The following SLC34A1 variants were observed in gnomAD, a reference collection of about 807,000 sequenced individuals.
The protein encoded by SLC34A1 is solute carrier family 34 member 1, also known as sodium-dependent phosphate transport protein 2A.
A neutral mutation model predicts 51.4 loss-of-function variants in SLC34A1; 57 were observed. The observed-to-expected ratio is 1.11, with a 90% CI of 0.90 to 1.38. SLC34A1 has a LOEUF of 1.38. Ranked by LOEUF, SLC34A1 falls within the 40% of genes most tolerant of loss-of-function variation. The pLI is 0.00. For missense variants in SLC34A1, 796 were observed against 835.6 expected (o/e 0.95, Z 0.58); for synonymous variants, 368 against 358.0 (o/e 1.03, Z -0.32).
Position 177,398,092 on chromosome 5 carries a change from T to C in SLC34A1, c.1726T>C (p.Trp576Arg), listed in dbSNP as rs754233417. 6.2e-7 allele frequency: 1 copy of C among 1,612,378 alleles called. No homozygotes were observed. The highest frequency in any genetic ancestry group is 1.1e-5 in the South Asian group (1 of 91,056). Residue 576 changes from tryptophan (W) to arginine (R), a missense_variant, in exon 13 of 13, where the codon TGG becomes CGG. Trp to Arg is a moderately radical substitution (Grantham distance 101, BLOSUM62 -3). Transcript: ENST00000324417. The surrounding 1 kb of genome is among the most constrained non-coding windows in gnomAD (Gnocchi z 4.7). ...PGHLPKWLQT[W>R]DFLPRWMHSL... ...GCACCTGCCCAAGTGGTTACAGACA[T>C]GGGACTTCCTGCCTCGCTGGATGCA...
Position 177,389,346 on chromosome 5 carries a change from GCCCTTC to G in SLC34A1, c.936+1004_936+1009del, listed in dbSNP as rs58015287. ...CACAGCACAGCACAGCACAGCACAAGCCCTTCCCCTTCCCCTTCCCCTTCCCCTTCC... is the reference window on the plus strand; with the variant it reads ...CACAGCACAGCACAGCACAGCACAAGCCCTTCCCCTTCCCCTTCCCCTTCC... On this transcript the variant is annotated intron_variant, in intron 8 of 12. Coordinates refer to ENST00000324417, the MANE Select transcript of SLC34A1 (RefSeq NM_003052.5). Among the ~76,000 whole-genome samples, 1,092 of 151,542 alleles carry G rather than the reference GCCCTTC, an allele frequency of 7.2e-3. 7 individuals carry two copies. The highest frequency in any genetic ancestry group is 0.018 in the African/African-American group (719 of 41,046).
intron 5 of SLC34A1, 135 bp from the exon 6 acceptor site, chr5:177,387,624 CCAA>C (rs2127347986): frequency 3.9e-6 from 3 of 764,930 alleles, no homozygotes; most frequent in South Asian, 2.8e-5. Flanking sequence ...ACCTGTGACG[CCAA>C]CGTTAGGCAG....
intron 6 of SLC34A1, 46 bp from the exon 7 acceptor site, chr5:177,387,948 T>G: frequency 6.2e-7 from 1 of 1,610,902 alleles, no homozygotes; most frequent in Non-Finnish European, 8.5e-7. Flanking sequence ...CAGGCGTGAC[T>G]GTGCACTGGC....
chr5:177,388,210 G>A lies in SLC34A1; in HGVS notation c.840+21G>A. 6.2e-7 allele frequency: 1 copy of A among 1,614,012 alleles called. No homozygotes were observed. Among genetic ancestry groups the A allele is most frequent in the Non-Finnish European group, 8.5e-7 (1 of 1,179,970 alleles). The stretch of plus-strand genomic sequence containing the variant: ...TCCAGGTGACAGCAGGGCCTGGCAT[G>A]GGGTGAGGGTGGGGGTAACAAGGGA... On this transcript the variant is annotated intron_variant, in intron 7 of 12. Coordinates refer to ENST00000324417, the MANE Select transcript of SLC34A1 (RefSeq NM_003052.5). The surrounding 1 kb of genome is among the most constrained non-coding windows in gnomAD (Gnocchi z 4.3).
At chr5:177,387,592 C>T (rs374832602) in intron 5 of SLC34A1, among the ~76,000 whole-genome samples, 170 bp from the exon 6 acceptor site, 34 of 152,234 alleles carry the variant, frequency 2.2e-4, no homozygotes, top group East Asian at 1.5e-3. Context: ...CACCTGTAAA[C>T]GCACAGCCCG....
chr5:177,397,688 G>C (rs1242154669), intron 12 of SLC34A1, 95 bp from the exon 13 acceptor site: 18 of 1,543,054 alleles, frequency 1.2e-5, no homozygotes, highest in East Asian at 9.0e-5. Context: ...CTGCTGCCCA[G>C]ACCAGATCGG....
rs1049980164 is a variant in SLC34A1, at chr5:177,398,445, G to C, written c.*159G>C. On this transcript the variant is annotated 3_prime_UTR_variant, in exon 13 of 13. Coordinates refer to ENST00000324417, the MANE Select transcript of SLC34A1 (RefSeq NM_003052.5). This position sits in a 1 kb window ranked among gnomAD's most constrained non-coding sequence, Gnocchi z 4.7. ...GCTCTGGGCTTGTGTGAGAGTGTCG[G>C]TGTGTGTGCATGTGTGGGGGTGAGT... 8.2e-6 allele frequency: 7 copies of C among 858,220 alleles called. 1 individual carries two copies. The highest frequency in any genetic ancestry group is 1.4e-5 in the Non-Finnish European group (7 of 514,474). 53.2% of individuals were successfully genotyped at this position (858,220 alleles called of 1,614,324 possible). A position where few individuals can be genotyped will look rare whatever the true frequency, so the allele number is the denominator to read the frequency against.
At chr5:177,387,380 G>A (rs546453932) in intron 5 of SLC34A1, among the ~76,000 whole-genome samples, 1 of 152,262 alleles carries the variant, frequency 6.6e-6, no homozygotes, top group East Asian at 1.9e-4. Flanking sequence ...GGGCGACAGA[G>A]CGAGACTCTG....
chr5:177,396,722 T>C lies in SLC34A1; in HGVS notation c.1175-11T>C. The C allele has an allele frequency of 6.2e-7, 1 of 1,613,376 alleles. No individual in the cohort carries two copies. ...CTGACCCCAGCCTGCTGGGATGCGG[T>C]TTCCTTGCAGACTTCCCTGCCCCCT... On this transcript the variant is annotated splice_polypyrimidine_tract_variant and intron_variant, in intron 10 of 12. Coordinates refer to ENST00000324417, the MANE Select transcript of SLC34A1 (RefSeq NM_003052.5). The surrounding 1 kb of genome is among the most constrained non-coding windows in gnomAD (Gnocchi z 4.0).
At position 177,393,713 on chromosome 5, in the gene SLC34A1, G is replaced by A. The variant is rs749565477; in HGVS notation, c.956G>A (p.Arg319Lys). 15 of 1,614,042 alleles carry A rather than the reference G, an allele frequency of 9.3e-6. 1 individual carries two copies. In the South Asian group the frequency reaches 1.6e-4, roughly 18 times the overall value. The change falls in exon 9 of 13, where the codon AGA (arginine) becomes AAA (lysine). Residue 319 changes from arginine to lysine, a missense_variant. Coordinates refer to ENST00000324417, the MANE Select transcript of SLC34A1 (RefSeq NM_003052.5). ...ATCTAGGCTCCCACCTCCATGTCCA[G>A]AGCAGAGGCCAACTCCAGCCAGACC... ...DSLQAPTSMSRAEANSSQTLG... is the reference protein window; with the variant it reads ...DSLQAPTSMSKAEANSSQTLG...
rs1476715907 is a variant in SLC34A1, at chr5:177,388,229, C to A, written c.840+40C>A. ...TGGCATGGGGTGAGGGTGGGGGTAA[C>A]AAGGGACCCAGCCTCCTTCACTCCC... is the stretch of plus-strand genomic sequence containing the variant. On this transcript the variant is annotated intron_variant, in intron 7 of 12. Transcript: ENST00000324417. This position sits in a 1 kb window ranked among gnomAD's most constrained non-coding sequence, Gnocchi z 4.3. 6 of 1,613,866 alleles carry A rather than the reference C, an allele frequency of 3.7e-6. No homozygotes were observed. Among genetic ancestry groups the A allele is most frequent in the Non-Finnish European group, 5.1e-6 (6 of 1,179,822 alleles).
At chr5:177,385,008 C>A (rs960588012) in intron 1 of SLC34A1, among the ~76,000 whole-genome samples, 3 of 152,146 alleles carry the variant, frequency 2.0e-5, no homozygotes, top group African/African-American at 7.2e-5. Context: ...ACTCCTGGGG[C>A]AGTGCGGGGA....
rs192086748 is a variant in SLC34A1 at position 177,386,761 on chromosome 5, C to T, written c.532+195C>T. On this transcript the variant is annotated intron_variant, in intron 5 of 12. Coordinates refer to ENST00000324417, the MANE Select transcript of SLC34A1 (RefSeq NM_003052.5). This position sits in a 1 kb window ranked among gnomAD's most constrained non-coding sequence, Gnocchi z 4.8. ...ATTTATGGCAAGGAACTGGCTTCCC[C>T]GATGGTAGTTTGTCTGGGCAAGTCA... 4.5e-4 allele frequency among the ~76,000 whole-genome samples: 68 copies of T among 152,132 alleles called. 1 individual carries two copies. The highest frequency in any genetic ancestry group is 1.4e-3 in the African/African-American group (59 of 41,500).
rs768245434 is a variant in SLC34A1, at chr5:177,396,693, C to T, written c.1175-40C>T. The T allele has an allele frequency of 1.2e-5, 19 of 1,588,478 alleles. No homozygotes were observed. The highest frequency in any genetic ancestry group is 1.7e-5 in the Admixed American group (1 of 60,006). On this transcript the variant is annotated intron_variant, in intron 10 of 12. Transcript: ENST00000324417. This position sits in a 1 kb window ranked among gnomAD's most constrained non-coding sequence, Gnocchi z 4.0. The stretch of plus-strand genomic sequence containing the variant: ...CGGAGGTCTGCTCTCCCAATGTCCC[C>T]GCTCTGACCCCAGCCTGCTGGGATG...
rs750992592 is a variant in SLC34A1 at position 177,396,867 on chromosome 5, G to A, written c.1291+18G>A. The A allele has an allele frequency of 3.7e-6, 6 of 1,614,166 alleles. 1 individual carries two copies. In the South Asian group the frequency reaches 4.4e-5, roughly 12 times the overall value. ...ACTCATCGGTGAGTGCCCATGTAGA[G>A]GTGGAGTGGGGTGGGCCAGGGCTGG... On this transcript the variant is annotated intron_variant, in intron 11 of 12. Transcript: ENST00000324417. The surrounding 1 kb of genome is among the most constrained non-coding windows in gnomAD (Gnocchi z 4.0).
Position 177,386,025 on chromosome 5 carries a change from C to T in SLC34A1, c.148C>T (p.Pro50Ser), listed in dbSNP as rs770941943. ...CCCGGGGACCTCTGCCTATGCCTTC[C>T]CCAGCCTGGGCCCTGTGGCCCTTGC... ...RIPGTSAYAF[P>S]SLGPVALAEH... The change falls in exon 3 of 13, where the codon CCC (proline) becomes TCC (serine). Residue 50 changes from proline (P) to serine (S), a missense_variant. By Grantham distance (74) the Pro-to-Ser change is moderately conservative. Coordinates refer to ENST00000324417, the MANE Select transcript of SLC34A1 (RefSeq NM_003052.5). The surrounding 1 kb of genome is among the most constrained non-coding windows in gnomAD (Gnocchi z 4.8). 2.5e-6 allele frequency: 4 copies of T among 1,609,532 alleles called. No homozygotes were observed. The African/African-American group carries it at 5.3e-5, about 22-fold the overall frequency.
At position 177,386,000 on chromosome 5, in the gene SLC34A1, C is replaced by A. The variant is rs759907707; in HGVS notation, c.123C>A (p.Ile41=). 5.0e-6 allele frequency: 8 copies of A among 1,610,430 alleles called. No homozygotes were observed. In the African/African-American group the frequency reaches 9.3e-5, roughly 19 times the overall value. The change falls in exon 3 of 13, where the codon ATC becomes ATA. Residue 41 remains isoleucine, a synonymous_variant. Coordinates refer to ENST00000324417, the MANE Select transcript of SLC34A1 (RefSeq NM_003052.5). ...CTCCCTCCCTAGTCCTACACAGGAT[C>A]CCGGGGACCTCTGCCTATGCCTTCC... ...YVPSPQVLHR[I]PGTSAYAFPS...
At position 177,386,384 on chromosome 5, in the gene SLC34A1, C is replaced by G. The variant is rs1391511568; in HGVS notation, c.388+35C>G. ...GGGTGGAGGAGACCTGGGAGGGGTT[C>G]CTGAAGGGCCTTGGACAACGCTGGC... is the stretch of plus-strand genomic sequence containing the variant. On this transcript the variant is annotated intron_variant, in intron 4 of 12. Coordinates refer to ENST00000324417, the MANE Select transcript of SLC34A1 (RefSeq NM_003052.5). The surrounding 1 kb of genome is among the most constrained non-coding windows in gnomAD (Gnocchi z 4.8). The G allele has an allele frequency of 1.2e-6, 2 of 1,614,202 alleles. No individual in the cohort carries two copies. The highest frequency in any genetic ancestry group is 2.2e-5 in the East Asian group (1 of 44,888).
In SLC34A1 at chr5:177,398,001, C is replaced by T. The variant is rs7379524; in HGVS notation, c.1635C>T (p.Gly545=). ...GCTGGCAGGTCATGGTAGGTGTGGG[C>T]ACGCCCTTCGGGGCCCTGCTGGCCT... ...MAGWQVMVGV[G]TPFGALLAFV... Residue 545 remains glycine (G), a synonymous_variant, in exon 13 of 13, where the codon GGC becomes GGT. Transcript: ENST00000324417. This position sits in a 1 kb window ranked among gnomAD's most constrained non-coding sequence, Gnocchi z 4.7. The T allele has an allele frequency of 4.4e-3, 7,069 of 1,613,958 alleles. 261 individuals carry two copies. The African/African-American group carries it at 0.084, about 19-fold the overall frequency.
Sources: allele counts gnomAD v4.1 joint callset (sites outside exome capture counted in the v4.1 genomes callset), GRCh38; gene constraint gnomAD v4.1.1; non-coding constraint Gnocchi (gnomAD v3.1); transcripts MANE v1.5; gene names NCBI Gene and HGNC (gene_info 2026-07-23, HGNC 2026-07-21).